ELL2: variants seen among roughly 807,000 people sequenced by gnomAD.
ELL2 encodes RNA polymerase II elongation factor ELL2.
In ELL2, 21 loss-of-function variants were observed where a neutral mutation model predicts 72.8. The ratio of observed to expected loss-of-function variants is 0.29; its 90% confidence interval spans 0.20 to 0.42. ELL2 has a LOEUF of 0.42. ELL2 is among the 10% of genes least tolerant of loss of function. ELL2 has a pLI of 1.00. For missense variants in ELL2, 568 were observed against 772.8 expected (o/e 0.73, Z 3.14); for synonymous variants, 266 against 283.2 (o/e 0.94, Z 0.61).
intron 1 of ELL2, among the ~76,000 whole-genome samples, chr5:95,952,582 ATAGT>A (rs1751458660): frequency 6.6e-6 from 1 of 152,210 alleles, no homozygotes; most frequent in African/African-American, 2.4e-5. Flanking sequence ...ACTTATTGAA[ATAGT>A]TGATTGTCAG....
At chr5:95,935,685 A>G (rs1462645812) in intron 2 of ELL2, among the ~76,000 whole-genome samples, 2 of 152,218 alleles carry the variant, frequency 1.3e-5, no homozygotes, top group African/African-American at 4.8e-5. Flanking sequence ...TGAACACCTC[A>G]TGGATAACAT....
Position 95,909,846 on chromosome 5 carries a change from G to T in ELL2, c.482-3064C>A, listed in dbSNP as rs562592739. On this transcript the variant is annotated intron_variant, in intron 4 of 11. Transcript: ENST00000237853. ...TCAGTCTAATGGCTTTGAGTAAACAGTCTGAAAGGAAGGTGTTAAAACATC... is the reference window on the plus strand; with the variant it reads ...TCAGTCTAATGGCTTTGAGTAAACATTCTGAAAGGAAGGTGTTAAAACATC... 3.9e-5 allele frequency among the ~76,000 whole-genome samples: 6 copies of T among 152,302 alleles called. No individual in the cohort carries two copies. The South Asian group carries it at 1.2e-3, about 32-fold the overall frequency.
chr5:95,895,268 C>T (rs1748823116), intron 9 of ELL2, among the ~76,000 whole-genome samples: 1 of 152,206 alleles, frequency 6.6e-6, no homozygotes, highest in Non-Finnish European at 1.5e-5. Context: ...AGCAGTAAAC[C>T]ATCCCTTTGG....
intron 2 of ELL2, chr5:95,932,664 C>T (rs1269575340): frequency 1.3e-5 from 2 of 151,964 alleles, no homozygotes; most frequent in Non-Finnish European, 2.9e-5. Flanking sequence ...AGATCCATAC[C>T]GCTAGGCTTT....
intron 5 of ELL2, among the ~76,000 whole-genome samples, chr5:95,905,237 G>GCACACA (rs57650305): frequency 1.3e-5 from 2 of 149,706 alleles, no homozygotes; most frequent in Admixed American, 6.7e-5. Context: ...TGAGATACGC[G>GCACACA]CACACACACA....
rs1425488667 is a variant in ELL2, at chr5:95,906,587, G to A, written c.677C>T (p.Ala226Val). ...LKAYKKPELL[A>V]RLQKDGVNQK... ...ATTGACACCATCTTTCTGGAGTCTA[G>A]CAAGTAGCTCCGGTTTCTTGTAGGC... Residue 226 changes from alanine to valine, a missense_variant, in exon 5 of 12, where the codon GCT (alanine) becomes GTT (valine). Around this residue, in one of 2 missense-constraint regions of ELL2, gnomAD observed 511 missense variants for 728.4 expected, o/e 0.70. Coordinates refer to ENST00000237853, the MANE Select transcript of ELL2 (RefSeq NM_012081.6). The A allele has an allele frequency of 6.2e-7, 1 of 1,614,094 alleles. No individual in the cohort carries two copies. The highest frequency in any genetic ancestry group is 1.3e-5 in the African/African-American group (1 of 75,042).
At position 95,950,655 on chromosome 5, in the gene ELL2, A is replaced by G. The variant is rs1050911612; in HGVS notation, c.148-7606T>C. 7.2e-5 allele frequency among the ~76,000 whole-genome samples: 11 copies of G among 152,054 alleles called. No homozygotes were observed. In the East Asian group the frequency reaches 1.4e-3, roughly 19 times the overall value. On this transcript the variant is annotated intron_variant, in intron 1 of 11. Transcript: ENST00000237853. The stretch of plus-strand genomic sequence containing the variant: ...AACCAATCTAGTATTTTTCCCTGTG[A>G]GTCAATGTAACCTTAGATTCAAAAG...
At chr5:95,916,818 G>A (rs10037595) in intron 3 of ELL2, among the ~76,000 whole-genome samples, 1 of 151,636 alleles carries the variant, frequency 6.6e-6, no homozygotes, top group East Asian at 1.9e-4. Flanking sequence ...AAGTGGGAGA[G>A]AGGGGGGAGA....
intron 2 of ELL2, among the ~76,000 whole-genome samples, chr5:95,936,368 G>A (rs1750773366): frequency 6.6e-6 from 1 of 152,166 alleles, no homozygotes; most frequent in Non-Finnish European, 1.5e-5. Context: ...AGTGAATCGA[G>A]CTATCCTAAG....
rs921744000 is a variant in ELL2 at position 95,887,594 on chromosome 5, T to C, written c.*1277A>G. 3.9e-5 allele frequency: 6 copies of C among 152,772 alleles called. No homozygotes were observed. The highest frequency in any genetic ancestry group is 7.4e-5 in the Non-Finnish European group (5 of 68,020). 9.5% of individuals were successfully genotyped at this position (152,772 alleles called of 1,614,324 possible). A position where few individuals can be genotyped will look rare whatever the true frequency, so the allele number is the denominator to read the frequency against. On this transcript the variant is annotated 3_prime_UTR_variant, in exon 12 of 12. Coordinates refer to ENST00000237853, the MANE Select transcript of ELL2 (RefSeq NM_012081.6). ...TGACCACATAACTTATGTTCCCACA[T>C]GATAAAACAAGTGACAGTTTAAATC...
At chr5:95,952,974 T>C (rs994878483) in intron 1 of ELL2, among the ~76,000 whole-genome samples, 2 of 151,960 alleles carry the variant, frequency 1.3e-5, no homozygotes, top group Non-Finnish European at 2.9e-5. Flanking sequence ...TAGGAAGAAG[T>C]GGTCAAGAGA....
intron 2 of ELL2, among the ~76,000 whole-genome samples, chr5:95,928,480 T>C (rs1324801532): frequency 6.6e-6 from 1 of 152,162 alleles, no homozygotes; most frequent in African/African-American, 2.4e-5. Flanking sequence ...CTTTCCACCC[T>C]CCCACATTGC....
chr5:95,891,080 C>G, intron 10 of ELL2, 23 bp downstream of exon 10: 1 of 1,613,976 alleles, frequency 6.2e-7, no homozygotes, highest in Non-Finnish European at 8.5e-7. Context: ...AAAGTCAGCC[C>G]ATCTAGTTAC....
At chr5:95,931,388 C>G (rs1750594250) in intron 2 of ELL2, among the ~76,000 whole-genome samples, 2 of 152,096 alleles carry the variant, frequency 1.3e-5, no homozygotes, top group Non-Finnish European at 1.5e-5. Flanking sequence ...TATTGGGGAG[C>G]TCCCACTCCA....
In ELL2 at chr5:95,887,986, CAAAA is replaced by C. The variant is rs878980796; in HGVS notation, c.*881_*884del. On this transcript the variant is annotated 3_prime_UTR_variant, in exon 12 of 12. Transcript: ENST00000237853. ...TAGCAATTTGATAGAAGAAAAAAAA[CAAAA>C]AAACAAAAAAACACCCTACAGTAAC... 6.6e-6 allele frequency: 1 copy of C among 152,194 alleles called. No individual in the cohort carries two copies. The allele number at this position is 152,194 out of a possible 1,614,324, so 9.4% of individuals were successfully genotyped here.
At position 95,889,079 on chromosome 5, in the gene ELL2, T is replaced by C. The variant is rs12515492; in HGVS notation, c.1806+7A>G. The C allele has an allele frequency of 5.2e-3, 8,360 of 1,610,382 alleles. 325 individuals are homozygous for C. The Admixed American group carries it at 0.086, about 17-fold the overall frequency. On this transcript the variant is annotated splice_region_variant and intron_variant, in intron 11 of 11. Coordinates refer to ENST00000237853, the MANE Select transcript of ELL2 (RefSeq NM_012081.6). ...CAGGTCAGAAAATCAACAGTGATGA[T>C]ACCTACCTGCTTTATCTTCTGATAT...
chr5:95,938,089 C>CA (rs1750843082), intron 2 of ELL2, among the ~76,000 whole-genome samples: 1 of 152,088 alleles, frequency 6.6e-6, no homozygotes, highest in East Asian at 1.9e-4. Flanking sequence ...CCACACCCCC[C>CA]ACAAAGTAAA....
intron 2 of ELL2, among the ~76,000 whole-genome samples, chr5:95,926,885 T>C (rs1465729307): frequency 1.3e-4 from 20 of 152,168 alleles, no homozygotes. Flanking sequence ...TTTTTAAAAA[T>C]AAAATACACC....
chr5:95,917,434 A>G (rs973103403), intron 3 of ELL2, among the ~76,000 whole-genome samples: 5 of 152,236 alleles, frequency 3.3e-5, no homozygotes, highest in African/African-American at 1.2e-4. Context: ...GAAAAAGGGC[A>G]TAAGAAAGCC....
Sources: allele counts gnomAD v4.1 joint callset (sites outside exome capture counted in the v4.1 genomes callset), GRCh38; gene constraint gnomAD v4.1.1; regional missense constraint gnomAD v4.1.1; transcripts MANE v1.5; gene names NCBI Gene and HGNC (gene_info 2026-07-23, HGNC 2026-07-21).